The following NELL1 variants were observed in gnomAD, a reference collection of about 807,000 sequenced individuals.
NELL1 encodes the protein protein kinase C-binding protein NELL1.
Under a neutral mutation model 107.4 loss-of-function variants are expected in NELL1, and 76 were observed. The observed-to-expected ratio is 0.71, with a 90% confidence interval of 0.59 to 0.86. The LOEUF (loss-of-function observed/expected upper bound fraction) is 0.86, where lower values mean the gene tolerates loss of function less well. NELL1 is among the 40% of genes least tolerant of loss of function. NELL1 has a pLI of 0.00. For missense variants in NELL1, 1,024 were observed against 1,005.5 expected (o/e 1.02, Z -0.25); for synonymous variants, 353 against 341.2 (o/e 1.03, Z -0.38).
At chr11:21,428,963 G>T (rs1001199) in intron 15 of NELL1, among the ~76,000 whole-genome samples, 43,398 of 151,976 alleles carry the variant, frequency 0.29, 6,497 homozygotes, top group East Asian at 0.4. Context: ...TTTGTATGTG[G>T]GTAGTAATGG....
chr11:21,548,309 A>G (rs1456163731), intron 16 of NELL1, among the ~76,000 whole-genome samples: 1 of 151,896 alleles, frequency 6.6e-6, no homozygotes, highest in East Asian at 1.9e-4. Flanking sequence ...GAATCAATGT[A>G]TAGGTTGTCA....
In NELL1 at chr11:21,303,736, T is replaced by C. The variant is rs1849547871; in HGVS notation, c.1550-67117T>C. Among the ~76,000 whole-genome samples, 4 of 152,084 alleles carry C rather than the reference T, an allele frequency of 2.6e-5. No individual in the cohort carries two copies. In the South Asian group the frequency reaches 8.3e-4, roughly 31 times the overall value. On this transcript the variant is annotated intron_variant, in intron 14 of 19. Transcript: ENST00000357134. ...ATGTTTATCACAGCACTATTCACGA[T>C]AGCAAAGTTGTGGAATCAACCTAAG...
chr11:20,693,045 CT>C (rs1459805072), intron 2 of NELL1, among the ~76,000 whole-genome samples: 1 of 151,854 alleles, frequency 6.6e-6, no homozygotes, highest in Non-Finnish European at 1.5e-5. Flanking sequence ...ATATAATGGC[CT>C]TCTTTGTCTC....
At chr11:21,293,794 G>A (rs1332535990) in intron 14 of NELL1, among the ~76,000 whole-genome samples, 1 of 152,070 alleles carries the variant, frequency 6.6e-6, no homozygotes, top group Non-Finnish European at 1.5e-5. Flanking sequence ...CATGCATAAA[G>A]CTGGAAACCA....
intron 13 of NELL1, among the ~76,000 whole-genome samples, chr11:21,176,572 T>A (rs1056488176): frequency 6.6e-6 from 1 of 151,792 alleles, no homozygotes; most frequent in Non-Finnish European, 1.5e-5. Flanking sequence ...CACTATAGCA[T>A]TTTTAGGCCT....
intron 5 of NELL1, among the ~76,000 whole-genome samples, chr11:20,900,300 A>C (rs1849844576): frequency 6.6e-6 from 1 of 152,200 alleles, no homozygotes; most frequent in Non-Finnish European, 1.5e-5. Context: ...CTAGGCTTGA[A>C]ACTTGCACTA....
chr11:21,230,307 C>T (rs542575961), intron 14 of NELL1, among the ~76,000 whole-genome samples: 2 of 152,048 alleles, frequency 1.3e-5, no homozygotes, highest in South Asian at 4.2e-4. Flanking sequence ...TGGTCTTGTC[C>T]CCCCACTGTC....
chr11:21,163,913 T>C (rs971291148), intron 13 of NELL1, among the ~76,000 whole-genome samples: 17 of 151,966 alleles, frequency 1.1e-4, no homozygotes, highest in African/African-American at 3.9e-4. Flanking sequence ...GGGGGGTGGG[T>C]AAAGATGCAG....
chr11:21,232,137 TA>T (rs764469809), intron 14 of NELL1, among the ~76,000 whole-genome samples: 1 of 57,634 alleles, frequency 1.7e-5, no homozygotes. Flanking sequence ...CCATCTCTAC[TA>T]AAAAAAAATA....
At chr11:20,888,534 G>C (rs79013765) in intron 5 of NELL1, among the ~76,000 whole-genome samples, 3,161 of 151,828 alleles carry the variant, frequency 0.021, 39 homozygotes, top group Non-Finnish European at 0.032. Flanking sequence ...AGAGATAAAG[G>C]TTATGGGCAC....
intron 2 of NELL1, among the ~76,000 whole-genome samples, chr11:20,684,825 C>G (rs1377852040): frequency 1.3e-5 from 2 of 152,038 alleles, no homozygotes; most frequent in Non-Finnish European, 2.9e-5. Context: ...TTTACCATCA[C>G]TGAGGCAAGA....
intron 15 of NELL1, among the ~76,000 whole-genome samples, chr11:21,467,543 T>A (rs1042040509): frequency 6.6e-6 from 1 of 152,106 alleles, no homozygotes; most frequent in African/African-American, 2.4e-5. Flanking sequence ...AAATCTAAAC[T>A]TGCCAAGGGT....
chr11:20,867,499 G>A (rs952792326), intron 4 of NELL1, among the ~76,000 whole-genome samples: 12 of 152,114 alleles, frequency 7.9e-5, no homozygotes, highest in African/African-American at 2.9e-4. Context: ...GAAGACTTGC[G>A]TTCCAGCTTT....
intron 14 of NELL1, among the ~76,000 whole-genome samples, chr11:21,358,499 A>G (rs973799186): frequency 6.6e-6 from 1 of 151,308 alleles, no homozygotes; most frequent in African/African-American, 2.4e-5. Flanking sequence ...CCCAGGTTCA[A>G]GCGATTCTCC....
intron 14 of NELL1, among the ~76,000 whole-genome samples, chr11:21,235,712 G>T (rs1464249502): frequency 6.6e-6 from 1 of 152,056 alleles, no homozygotes; most frequent in African/African-American, 2.4e-5. Context: ...TTTTAATTAA[G>T]TTTAAGGAGT....
chr11:20,755,560 T>A lies in NELL1; in HGVS notation c.185-28120T>A, dbSNP rs1310000778. Among the ~76,000 whole-genome samples the A allele has an allele frequency of 2.0e-4, 3 of 14,678 alleles. No individual in the cohort carries two copies. The South Asian group carries it at 0.014, about 68-fold the overall frequency. The allele number at this position is 14,678 out of a possible 152,430, so 9.6% of individuals were successfully genotyped here. A position where few individuals can be genotyped will look rare whatever the true frequency, so the allele number is the denominator to read the frequency against. ...TTTTTGTTTTTTTTTGTTTTTGTTT[T>A]TGTTTTTTTTTTTTTGAGACAGAAT... On this transcript the variant is annotated intron_variant, in intron 2 of 19. Coordinates refer to ENST00000357134, the MANE Select transcript of NELL1 (RefSeq NM_006157.5).
intron 15 of NELL1, among the ~76,000 whole-genome samples, chr11:21,415,853 T>G (rs1444136589): frequency 1.3e-5 from 2 of 152,098 alleles, no homozygotes. Flanking sequence ...AATGACACTT[T>G]AATTGTCATT....
At chr11:21,169,733 A>G (rs895411298) in intron 13 of NELL1, 3 of 866,568 alleles carry the variant, frequency 3.5e-6, no homozygotes, top group Non-Finnish European at 5.2e-6. Context: ...AGAAGTAGTC[A>G]TGTGACCAGT....
chr11:21,353,829 A>G (rs1053287890), intron 14 of NELL1, among the ~76,000 whole-genome samples: 1 of 152,194 alleles, frequency 6.6e-6, no homozygotes, highest in Admixed American at 6.5e-5. Flanking sequence ...CAAACATGGA[A>G]TTAAAAGTAG....
Sources: gnomAD v4.1 joint callset for allele counts (sites outside exome capture counted in the v4.1 genomes callset) on GRCh38, gnomAD v4.1.1 for gene constraint, MANE v1.5 for transcripts, NCBI Gene and HGNC (gene_info 2026-07-23, HGNC 2026-07-21) for gene names.